Variants in CNTN3 observed in about 807,000 individuals in gnomAD.
The protein encoded by CNTN3 is contactin-3.
CNTN3 carries 60 observed loss-of-function variants against 119.1 expected under a neutral mutation model. The ratio of observed to expected loss-of-function variants is 0.50; its 90% CI spans 0.41 to 0.62. The LOEUF (loss-of-function observed/expected upper bound fraction) is 0.62. CNTN3 is among the 20% of genes least tolerant of loss of function. The pLI is 0.00. For missense variants in CNTN3, 1,101 were observed against 1,242.4 expected (o/e 0.89, Z 1.71); for synonymous variants, 450 against 438.7 (o/e 1.03, Z -0.32).
Position 74,493,427 on chromosome 3 carries a change from T to C in CNTN3, c.182+6232A>G, listed in dbSNP as rs548917348. ...ATCTACTCTGTCACACAAGATCTGG[T>C]CTGGACAATGGACATACAAACAACA... On this transcript the variant is annotated intron_variant, in intron 3 of 22. Transcript: ENST00000263665. Among the ~76,000 whole-genome samples the C allele has an allele frequency of 9.2e-5, 14 of 152,254 alleles. No homozygotes were observed. The South Asian group carries it at 2.9e-3, about 32-fold the overall frequency.
intron 11 of CNTN3, among the ~76,000 whole-genome samples, chr3:74,358,598 T>TTTAA (rs1171886890): frequency 2.8e-5 from 4 of 144,042 alleles, no homozygotes; most frequent in Non-Finnish European, 4.5e-5. Flanking sequence ...TTTTTTTTGA[T>TTTAA]TTATTTATTT....
chr3:74,373,614 T>C (rs1704396293), intron 5 of CNTN3, among the ~76,000 whole-genome samples: 1 of 152,182 alleles, frequency 6.6e-6, no homozygotes, highest in African/African-American at 2.4e-5. Flanking sequence ...GTAATAAGAA[T>C]ATATGAACAA....
intron 4 of CNTN3, among the ~76,000 whole-genome samples, chr3:74,453,819 G>A (rs7621294): frequency 0.51 from 77,371 of 150,940 alleles, 20,192 homozygotes; most frequent in Non-Finnish European, 0.55. Flanking sequence ...CATGTAGTTG[G>A]GCAGTTTTGA....
At chr3:74,549,991 A>G (rs551965856) in intron 1 of CNTN3, among the ~76,000 whole-genome samples, 505 of 152,338 alleles carry the variant, frequency 3.3e-3, no homozygotes, top group Non-Finnish European at 5.3e-3. Flanking sequence ...GGTACATTAC[A>G]TGATGATTCT....
At chr3:74,326,807 A>G (rs1451440801) in intron 13 of CNTN3, among the ~76,000 whole-genome samples, 1 of 151,988 alleles carries the variant, frequency 6.6e-6, no homozygotes, top group Non-Finnish European at 1.5e-5. Flanking sequence ...TATTTGTTTC[A>G]TACTTTATTG....
At chr3:74,421,059 C>T (rs1369791358) in intron 5 of CNTN3, among the ~76,000 whole-genome samples, 2 of 152,118 alleles carry the variant, frequency 1.3e-5, no homozygotes, top group Admixed American at 1.3e-4. Flanking sequence ...CATACTTTTA[C>T]CCAAAAAGAA....
At chr3:74,597,039 C>T (rs1324728993) in intron 1 of CNTN3, among the ~76,000 whole-genome samples, 4 of 152,056 alleles carry the variant, frequency 2.6e-5, no homozygotes, top group Non-Finnish European at 5.9e-5. Context: ...AATTTAAACA[C>T]TCCATCCATT....
chr3:74,539,504 T>A (rs901459695), intron 1 of CNTN3, among the ~76,000 whole-genome samples: 1 of 152,060 alleles, frequency 6.6e-6, no homozygotes, highest in African/African-American at 2.4e-5. Flanking sequence ...AGTGGAATCT[T>A]AGAATTTGAG....
intron 4 of CNTN3, among the ~76,000 whole-genome samples, chr3:74,448,645 T>C (rs942482804): frequency 6.6e-6 from 1 of 152,130 alleles, no homozygotes; most frequent in African/African-American, 2.4e-5. Flanking sequence ...CATACATTTA[T>C]TGGGTTGTGA....
At chr3:74,316,453 A>G (rs1702832051) in intron 13 of CNTN3, among the ~76,000 whole-genome samples, 1 of 152,212 alleles carries the variant, frequency 6.6e-6, no homozygotes, top group African/African-American at 2.4e-5. Context: ...GGAAAAGCTG[A>G]ACTCCATTTA....
chr3:74,289,743 T>C (rs191531568), intron 19 of CNTN3, among the ~76,000 whole-genome samples: 4 of 152,338 alleles, frequency 2.6e-5, no homozygotes, highest in Non-Finnish European at 5.9e-5. Flanking sequence ...CTCAAGGCCA[T>C]ACAGCAACAG....
chr3:74,297,514 A>C (rs1373851073), intron 18 of CNTN3, among the ~76,000 whole-genome samples: 1 of 152,138 alleles, frequency 6.6e-6, no homozygotes, highest in East Asian at 1.9e-4. Flanking sequence ...GCATGTTGCA[A>C]GGGAAAAGGA....
intron 1 of CNTN3, among the ~76,000 whole-genome samples, chr3:74,593,489 T>C (rs1282048058): frequency 6.6e-6 from 1 of 152,028 alleles, no homozygotes; most frequent in African/African-American, 2.4e-5. Flanking sequence ...CTAATGGTGC[T>C]ATAATGTCTA....
chr3:74,564,375 G>A (rs946640683), intron 1 of CNTN3, among the ~76,000 whole-genome samples: 1 of 151,984 alleles, frequency 6.6e-6, no homozygotes, highest in Non-Finnish European at 1.5e-5. Flanking sequence ...GGAGATCAGG[G>A]CTAGAATATA....
chr3:74,490,639 GT>G lies in CNTN3; in HGVS notation c.183-4009del, dbSNP rs541194168. 2.4e-3 allele frequency among the ~76,000 whole-genome samples: 372 copies of G among 152,238 alleles called. 2 individuals carry two copies. The highest frequency in any genetic ancestry group is 8.8e-3 in the African/African-American group (365 of 41,550). ...CAAGATGTAAAACTATCATCCTTATGTTTTGACTGAAGAATCAAAAGGAGAA... is the reference window on the plus strand; with the variant it reads ...CAAGATGTAAAACTATCATCCTTATGTTTGACTGAAGAATCAAAAGGAGAA... On this transcript the variant is annotated intron_variant, in intron 3 of 22. Coordinates refer to ENST00000263665, the MANE Select transcript of CNTN3 (RefSeq NM_020872.3).
rs966052698 is a variant in CNTN3, at chr3:74,614,550, G to C, written c.-240C>G. Among the ~76,000 whole-genome samples the C allele has an allele frequency of 9.5e-5, 14 of 147,572 alleles. No individual in the cohort carries two copies. The highest frequency in any genetic ancestry group is 1.8e-4 in the Non-Finnish European group (12 of 66,406). ...CCGCCGCCGCAGGCGCAGCACCCTC[G>C]TCCGCACGGTTCCCGGCCCAGTCCA... On this transcript the variant is annotated 5_prime_UTR_variant, in exon 1 of 23. Coordinates refer to ENST00000263665, the MANE Select transcript of CNTN3 (RefSeq NM_020872.3).
intron 13 of CNTN3, among the ~76,000 whole-genome samples, chr3:74,308,139 C>A (rs557203403): frequency 6.6e-6 from 1 of 152,286 alleles, no homozygotes; most frequent in African/African-American, 2.4e-5. Flanking sequence ...CCCACCTCTG[C>A]ATTTTTGACT....
rs1703236715 is a variant in CNTN3 at position 74,330,455 on chromosome 3, AC to A, written c.1668+4279del. Among the ~76,000 whole-genome samples the A allele has an allele frequency of 6.6e-5, 10 of 152,292 alleles. No homozygotes were observed. The South Asian group carries it at 2.1e-3, about 32-fold the overall frequency. On this transcript the variant is annotated intron_variant, in intron 13 of 22. Transcript: ENST00000263665. The stretch of plus-strand genomic sequence containing the variant: ...TGCATTTGTGATGATGCTGAGGTAA[AC>A]AAACCTACTGTGCTGCCTGTCATAT...
intron 1 of CNTN3, among the ~76,000 whole-genome samples, chr3:74,575,606 A>AACACACAC (rs71129762): frequency 0.32 from 42,771 of 134,916 alleles, 7,271 homozygotes; most frequent in Non-Finnish European, 0.37. Flanking sequence ...AGTCTCTCCC[A>AACACACAC]ACACACACAC....
Sources: gnomAD v4.1 joint callset for allele counts (sites outside exome capture counted in the v4.1 genomes callset) on GRCh38, gnomAD v4.1.1 for gene constraint, MANE v1.5 for transcripts, NCBI Gene and HGNC (gene_info 2026-07-23, HGNC 2026-07-21) for gene names.